The following CCDC60 variants were observed in gnomAD, a reference collection of about 807,000 sequenced individuals.
The protein encoded by CCDC60 is coiled-coil domain containing 60.
CCDC60 carries 54 observed loss-of-function variants against 63.5 expected under a neutral mutation model. The observed-to-expected ratio is 0.85, with a 90% CI of 0.68 to 1.07. The LOEUF is 1.07. Among genes scored for constraint, CCDC60 ranks in the 50% least tolerant of loss-of-function variants. The pLI is 0.00. For synonymous variants in CCDC60, 206 were observed against 238.8 expected, an observed-to-expected ratio of 0.86 and a Z score of 1.27; for missense variants, 651 against 684.3, an observed-to-expected ratio of 0.95 and a Z score of 0.54.
In CCDC60 at chr12:119,384,810, C is replaced by T. The variant is rs1593007167; in HGVS notation, c.91-43873C>T. Among the ~76,000 whole-genome samples, 2 of 152,366 alleles carry T rather than the reference C, an allele frequency of 1.3e-5. 1 individual carries two copies. Among genetic ancestry groups the T allele is most frequent in the East Asian group, 3.9e-4 (2 of 5,182 alleles). On this transcript the variant is annotated intron_variant, in intron 1 of 13. Coordinates refer to ENST00000327554, the MANE Select transcript of CCDC60 (RefSeq NM_178499.5). ...CCCTAGAAAAGCTATTTCTGGGCATCACCTGTCACCAGCTCATTCCAAGTC... is the reference window on the plus strand; with the variant it reads ...CCCTAGAAAAGCTATTTCTGGGCATTACCTGTCACCAGCTCATTCCAAGTC...
intron 13 of CCDC60, among the ~76,000 whole-genome samples, chr12:119,538,225 C>T (rs1953066307): frequency 6.6e-6 from 1 of 152,252 alleles, no homozygotes; most frequent in African/African-American, 2.4e-5. Flanking sequence ...CCTGCCGAGC[C>T]AGGCGCATAT....
At chr12:119,484,679 C>A (rs1951396631) in intron 4 of CCDC60, among the ~76,000 whole-genome samples, 1 of 151,998 alleles carries the variant, frequency 6.6e-6, no homozygotes, top group Admixed American at 6.6e-5. Context: ...CGCCACCGCA[C>A]TCCATCCTGG....
intron 2 of CCDC60, among the ~76,000 whole-genome samples, chr12:119,438,345 C>G (rs1950368175): frequency 6.6e-6 from 1 of 152,150 alleles, no homozygotes; most frequent in African/African-American, 2.4e-5. Flanking sequence ...ACTTCTGAAC[C>G]TTTTGTTACA....
chr12:119,475,134 C>T (rs879697659), intron 3 of CCDC60, among the ~76,000 whole-genome samples: 1 of 152,212 alleles, frequency 6.6e-6, no homozygotes, highest in Non-Finnish European at 1.5e-5. Context: ...CCTGACCAAA[C>T]TCAATGGCAC....
intron 8 of CCDC60, 21 bp downstream of exon 8, chr12:119,516,728 G>A (rs1184916027): frequency 3.2e-6 from 5 of 1,538,470 alleles, no homozygotes; most frequent in Non-Finnish European, 4.5e-6. Context: ...TTGACTCCTG[G>A]GGCAAATAAA....
chr12:119,394,195 A>G (rs1280341381), intron 1 of CCDC60, among the ~76,000 whole-genome samples: 1 of 152,220 alleles, frequency 6.6e-6, no homozygotes, highest in Non-Finnish European at 1.5e-5. Context: ...ACCATGGTAG[A>G]AATGAGAACA....
At chr12:119,339,606 G>A (rs2136140902) in intron 1 of CCDC60, among the ~76,000 whole-genome samples, 1 of 152,174 alleles carries the variant, frequency 6.6e-6, no homozygotes, top group Non-Finnish European at 1.5e-5. Flanking sequence ...GGGCACTAAA[G>A]TGAGACCCCA....
chr12:119,455,224 G>T (rs996376352), intron 2 of CCDC60, among the ~76,000 whole-genome samples: 4 of 152,212 alleles, frequency 2.6e-5, no homozygotes, highest in African/African-American at 9.6e-5. Context: ...TTGATACTTG[G>T]TAGGCAACTG....
At chr12:119,430,857 C>T (rs991861233) in intron 2 of CCDC60, among the ~76,000 whole-genome samples, 4 of 152,052 alleles carry the variant, frequency 2.6e-5, no homozygotes, top group Non-Finnish European at 5.9e-5. Flanking sequence ...TCTGTTAGGG[C>T]GGCTCCAGCA....
intron 1 of CCDC60, among the ~76,000 whole-genome samples, chr12:119,406,204 TAGAGAG>T (rs34447665): frequency 1.4e-5 from 2 of 145,158 alleles, no homozygotes. Flanking sequence ...TATATATATA[TAGAGAG>T]AGAGAGAGAG....
intron 1 of CCDC60, among the ~76,000 whole-genome samples, chr12:119,363,423 C>CTGTGTGTGTGTGTGTGTGTG (rs5801335): frequency 2.2e-3 from 338 of 150,656 alleles, no homozygotes; most frequent in African/African-American, 7.8e-3. Flanking sequence ...TATGAGTCCT[C>CTGTGTGTGTGTGTGTGTGTG]TGTGTGTGTG....
chr12:119,374,295 A>G (rs1593000230), intron 1 of CCDC60, among the ~76,000 whole-genome samples: 1 of 152,158 alleles, frequency 6.6e-6, no homozygotes, highest in African/African-American at 2.4e-5. Context: ...AATGTATTAC[A>G]CCACTCATCC....
At chr12:119,440,447 G>A (rs886593680) in intron 2 of CCDC60, among the ~76,000 whole-genome samples, 9 of 152,072 alleles carry the variant, frequency 5.9e-5, no homozygotes, top group Non-Finnish European at 7.4e-5. Flanking sequence ...GGAGAATGGC[G>A]TTAACCCGGG....
In CCDC60 at chr12:119,540,895, G is replaced by C; in HGVS notation, c.*180G>C. The C allele has an allele frequency of 1.8e-6, 1 of 550,444 alleles. No individual in the cohort carries two copies. Among genetic ancestry groups the C allele is most frequent in the South Asian group, 2.3e-5 (1 of 43,232 alleles). 34.1% of individuals were successfully genotyped at this position (550,444 alleles called of 1,614,324 possible). On this transcript the variant is annotated 3_prime_UTR_variant, in exon 14 of 14. Coordinates refer to ENST00000327554, the MANE Select transcript of CCDC60 (RefSeq NM_178499.5). ...AACATTTTTAGAGGGGGATGGCCCC[G>C]GTGGCCCTCCCCTCAATTCCACACC...
chr12:119,469,744 G>T (rs79080724), intron 2 of CCDC60, among the ~76,000 whole-genome samples: 4,309 of 152,280 alleles, frequency 0.028, 227 homozygotes, highest in African/African-American at 0.096. Flanking sequence ...GGCAGTGATT[G>T]TGAATGGCCA....
At chr12:119,539,838 C>G (rs1222854959) in intron 13 of CCDC60, among the ~76,000 whole-genome samples, 5 of 152,238 alleles carry the variant, frequency 3.3e-5, no homozygotes, top group African/African-American at 1.2e-4. Context: ...ATCTCCTGGT[C>G]TGCGGGTTGT....
chr12:119,484,046 A>G (rs961566146), intron 4 of CCDC60, among the ~76,000 whole-genome samples: 1 of 152,002 alleles, frequency 6.6e-6, no homozygotes, highest in African/African-American at 2.4e-5. Context: ...ATGAAACCCT[A>G]TTCTGATGAA....
chr12:119,364,445 T>C (rs1045273523), intron 1 of CCDC60, among the ~76,000 whole-genome samples: 4 of 152,212 alleles, frequency 2.6e-5, no homozygotes, highest in African/African-American at 9.6e-5. Context: ...ATTTCTTTTT[T>C]TCTGTTTTCT....
chr12:119,455,095 G>A (rs915350392), intron 2 of CCDC60, among the ~76,000 whole-genome samples: 2 of 150,520 alleles, frequency 1.3e-5, no homozygotes, highest in Admixed American at 6.7e-5. Flanking sequence ...AAGGCAGCTG[G>A]GAAATATAGT....
Sources: gnomAD v4.1 joint callset for allele counts (sites outside exome capture counted in the v4.1 genomes callset) on GRCh38, gnomAD v4.1.1 for gene constraint, MANE v1.5 for transcripts, NCBI Gene and HGNC (gene_info 2026-07-23, HGNC 2026-07-21) for gene names.